PKHD1: variants seen among roughly 807,000 people sequenced by gnomAD.
The protein encoded by PKHD1 is fibrocystin.
A neutral mutation model predicts 412.0 loss-of-function variants in PKHD1; 291 were observed. The ratio of observed to expected loss-of-function variants is 0.71; its 90% confidence interval spans 0.64 to 0.78. The LOEUF (loss-of-function observed/expected upper bound fraction) is 0.78. Among genes scored for constraint, PKHD1 ranks in the 30% least tolerant of loss-of-function variants. The pLI, the probability that PKHD1 is intolerant of heterozygous loss-of-function variation, is 0.00. For synonymous variants in PKHD1, 1,777 were observed against 1,821.5 expected (o/e 0.98, Z 0.62); for missense variants, 4,825 against 4,950.7 (o/e 0.97, Z 0.76).
In PKHD1 at chr6:52,033,056, A is replaced by T; in HGVS notation, c.3338T>A (p.Leu1113Gln). Residue 1113 changes from leucine (L) to glutamine (Q), a missense_variant, in exon 29 of 67, where the codon CTG (leucine) becomes CAG (glutamine). Transcript: ENST00000371117. ...VSSLNPVIVT[L>Q]SRNISNIAGG... is the part of the protein sequence containing the mutation. ...TGCTATATTGCTTATGTTTCTGCTC[A>T]GAGTCACAATAACTGGATTTAAGGA... is the stretch of plus-strand genomic sequence containing the variant. 10 of 1,612,662 alleles carry T rather than the reference A, an allele frequency of 6.2e-6. No individual in the cohort carries two copies. Among genetic ancestry groups the T allele is most frequent in the Non-Finnish European group, 8.5e-6 (10 of 1,178,744 alleles).
In PKHD1 at chr6:51,897,958, A is replaced by T. The variant is rs1780423548; in HGVS notation, c.6996+5639T>A. On this transcript the variant is annotated intron_variant, in intron 43 of 66. Transcript: ENST00000371117. ...GTAAACGGATCAATTCAACAAGAAG[A>T]GTTAACTATCCTAAATATATATGCA... Among the ~76,000 whole-genome samples, 2 of 152,178 alleles carry T rather than the reference A, an allele frequency of 1.3e-5. 1 individual carries two copies. The highest frequency in any genetic ancestry group is 2.9e-5 in the Non-Finnish European group (2 of 68,038).
chr6:51,814,464 A>G (rs549828548), intron 52 of PKHD1, among the ~76,000 whole-genome samples: 16 of 152,364 alleles, frequency 1.1e-4, no homozygotes, highest in Admixed American at 9.8e-4. Flanking sequence ...AAACAGGTGC[A>G]TCCACACTAT....
intron 39 of PKHD1, 149 bp from the exon 40 acceptor site, chr6:51,909,623 C>A: frequency 3.0e-6 from 2 of 675,616 alleles, no homozygotes; most frequent in South Asian, 1.7e-5. Flanking sequence ...TTCTTTGATT[C>A]TCCTCTGTAT....
chr6:51,828,063 T>C (rs1446266917), intron 52 of PKHD1, among the ~76,000 whole-genome samples: 1 of 152,172 alleles, frequency 6.6e-6, no homozygotes, highest in African/African-American at 2.4e-5. Flanking sequence ...TAATAGTTTT[T>C]TATTTTATTT....
chr6:52,035,636 G>A lies in PKHD1; in HGVS notation c.3183C>T (p.Val1061=), dbSNP rs759939735. The change falls in exon 28 of 67, where the codon GTC becomes GTT. Residue 1061 remains valine, a synonymous_variant. Coordinates refer to ENST00000371117, the MANE Select transcript of PKHD1 (RefSeq NM_138694.4). ...GAATTCTGCTTGAATTGCTTGTAGC[G>A]ACATTGATGGCACACGAGTAAGATC... ...LFGSYSCAIN[V]ATSNSSRIQC... 7.3e-5 allele frequency: 118 copies of A among 1,613,652 alleles called. No individual in the cohort carries two copies. Among genetic ancestry groups the A allele is most frequent in the Middle Eastern group, 1.6e-4 (1 of 6,084 alleles).
intron 63 of PKHD1, among the ~76,000 whole-genome samples, chr6:51,647,779 G>A (rs376949690): frequency 2.7e-4 from 41 of 152,186 alleles, no homozygotes; most frequent in South Asian, 6.2e-4. Context: ...TTAAGGATAC[G>A]GATAAGTTGG....
rs2128145613 is a variant in PKHD1, at chr6:52,025,859, C to T, written c.3951G>A (p.Leu1317=). The T allele has an allele frequency of 6.2e-7, 1 of 1,614,150 alleles. No individual in the cohort carries two copies. Among genetic ancestry groups the T allele is most frequent in the Middle Eastern group, 1.6e-4 (1 of 6,062 alleles). The change falls in exon 32 of 67, where the codon CTG becomes CTA. Residue 1317 remains leucine (L), a synonymous_variant. Transcript: ENST00000371117. The part of the protein sequence containing the change: ...QGEITNSSLS[L]HVGGSNLSNS... ...TGGAGAGGTTACTTCCTCCCACATGCAGGCTCAGGCTGCTATTTGTGATTT... is the reference window on the plus strand; with the variant it reads ...TGGAGAGGTTACTTCCTCCCACATGTAGGCTCAGGCTGCTATTTGTGATTT...
chr6:51,855,121 A>T (rs1773044140), intron 49 of PKHD1, among the ~76,000 whole-genome samples: 1 of 152,120 alleles, frequency 6.6e-6, no homozygotes, highest in Non-Finnish European at 1.5e-5. Flanking sequence ...CCGGCTGGGT[A>T]GCGGCTCACT....
chr6:52,013,978 G>A (rs985955696), intron 34 of PKHD1, among the ~76,000 whole-genome samples: 4 of 152,206 alleles, frequency 2.6e-5, no homozygotes, highest in African/African-American at 7.2e-5. Flanking sequence ...ATTGCACTAA[G>A]CACACTGCAT....
At chr6:51,625,901 C>A (rs1561979552) in intron 66 of PKHD1, among the ~76,000 whole-genome samples, 1 of 152,142 alleles carries the variant, frequency 6.6e-6, no homozygotes, top group Admixed American at 6.6e-5. Context: ...GAATAATTCC[C>A]ATCCCCTTCT....
chr6:51,974,963 G>A (rs1375752151), intron 35 of PKHD1, among the ~76,000 whole-genome samples: 1 of 151,980 alleles, frequency 6.6e-6, no homozygotes, highest in East Asian at 1.9e-4. Flanking sequence ...AAGGAGAGAG[G>A]TTCAGAAGAA....
intron 52 of PKHD1, among the ~76,000 whole-genome samples, chr6:51,803,758 G>C (rs4711981): frequency 0.6 from 90,868 of 151,124 alleles, 28,393 homozygotes; most frequent in East Asian, 0.83. Context: ...CCAGGCTGGA[G>C]TGCAATGGTG....
intron 1 of PKHD1, among the ~76,000 whole-genome samples, chr6:52,086,299 C>T (rs1812781607): frequency 6.6e-6 from 1 of 151,666 alleles, no homozygotes; most frequent in Admixed American, 6.6e-5. Flanking sequence ...TTTGTAGAGA[C>T]AGGTTTTCAC....
At chr6:51,890,748 G>T (rs1778978672) in intron 43 of PKHD1, among the ~76,000 whole-genome samples, 1 of 152,170 alleles carries the variant, frequency 6.6e-6, no homozygotes, top group Admixed American at 6.5e-5. Context: ...GAGATACATG[G>T]GTAGGGGTGT....
intron 35 of PKHD1, among the ~76,000 whole-genome samples, chr6:51,995,546 C>T (rs1329250925): frequency 1.3e-5 from 2 of 152,140 alleles, no homozygotes; most frequent in African/African-American, 4.8e-5. Context: ...ACCTTTGTTC[C>T]TTATCTTCCC....
intron 21 of PKHD1, among the ~76,000 whole-genome samples, 194 bp downstream of exon 21, chr6:52,052,882 T>C (rs964406597): frequency 6.6e-6 from 1 of 151,424 alleles, no homozygotes; most frequent in East Asian, 1.9e-4. Flanking sequence ...GTGGGGAAAA[T>C]AGGAAAGAAG....
chr6:51,945,162 A>G (rs936754097), intron 36 of PKHD1, among the ~76,000 whole-genome samples: 1 of 152,236 alleles, frequency 6.6e-6, no homozygotes, highest in Non-Finnish European at 1.5e-5. Context: ...TTTTTCCCTC[A>G]CAGCCACATG....
At chr6:51,681,331 A>T (rs923418457) in intron 60 of PKHD1, among the ~76,000 whole-genome samples, 1 of 152,010 alleles carries the variant, frequency 6.6e-6, no homozygotes, top group Non-Finnish European at 1.5e-5. Context: ...TTCAGACCAG[A>T]CATTGCCACC....
At chr6:51,749,345 G>A (rs189919370) in intron 57 of PKHD1, among the ~76,000 whole-genome samples, 288 of 152,170 alleles carry the variant, frequency 1.9e-3, no homozygotes, top group Non-Finnish European at 3.3e-3. Context: ...TTTATGTGAG[G>A]AGAAAATAGT....
Sources: allele counts gnomAD v4.1 joint callset (sites outside exome capture counted in the v4.1 genomes callset), GRCh38; gene constraint gnomAD v4.1.1; transcripts MANE v1.5; gene names NCBI Gene and HGNC (gene_info 2026-07-23, HGNC 2026-07-21).